The following KBTBD8 variants were observed in gnomAD, a reference collection of about 807,000 sequenced individuals.
KBTBD8 encodes kelch repeat and BTB domain containing 8, also known as kelch repeat and BTB domain-containing protein 8.
KBTBD8 carries 31 observed loss-of-function variants against 53.5 expected under a neutral mutation model. The observed-to-expected ratio is 0.58, with a 90% CI of 0.44 to 0.78. The LOEUF (loss-of-function observed/expected upper bound fraction) is 0.78. KBTBD8 is among the 30% of genes least tolerant of loss of function. KBTBD8 has a pLI of 0.00. For missense variants in KBTBD8, 642 were observed against 735.8 expected (o/e 0.87, Z 1.48); for synonymous variants, 250 against 247.3 (o/e 1.01, Z -0.10).
In KBTBD8 at chr3:67,002,309, G is replaced by A. The variant is rs552406388; in HGVS notation, c.228-886G>A. Among the ~76,000 whole-genome samples the A allele has an allele frequency of 3.3e-5, 5 of 152,114 alleles. No individual in the cohort carries two copies. In the East Asian group the frequency reaches 9.6e-4, roughly 29 times the overall value. On this transcript the variant is annotated intron_variant, in intron 2 of 3. Coordinates refer to ENST00000417314, the MANE Select transcript of KBTBD8 (RefSeq NM_032505.3). Reference sequence around the variant, plus strand: ...TATTATATTACTTATAATGGTTAAGGCAGCATTCAAAAGATGACAGTTTTA... The same window carrying A: ...TATTATATTACTTATAATGGTTAAGACAGCATTCAAAAGATGACAGTTTTA...
chr3:67,006,472 C>T (rs923890366), intron 3 of KBTBD8, among the ~76,000 whole-genome samples: 5 of 152,178 alleles, frequency 3.3e-5, no homozygotes, highest in Middle Eastern at 3.4e-3. Flanking sequence ...TTTGGTGTGT[C>T]GTCTTTACTT....
intron 2 of KBTBD8, among the ~76,000 whole-genome samples, chr3:67,001,730 A>G (rs1288039257): frequency 6.6e-6 from 1 of 152,212 alleles, no homozygotes; most frequent in Non-Finnish European, 1.5e-5. Context: ...ATTAAAATGT[A>G]CATTGTAGAA....
intron 3 of KBTBD8, 73 bp from the exon 4 acceptor site, chr3:67,007,849 T>C (rs1702081607): frequency 2.6e-6 from 2 of 771,146 alleles, no homozygotes; most frequent in Non-Finnish European, 4.1e-6. Flanking sequence ...CTTTAGAGGT[T>C]GTAGTTACAA....
chr3:67,007,813 A>T, intron 3 of KBTBD8, 109 bp from the exon 4 acceptor site: 1 of 603,892 alleles, frequency 1.7e-6, no homozygotes, highest in Non-Finnish European at 2.8e-6. Context: ...AGAAAGTGAA[A>T]TATATAGCAA....
chr3:66,998,921 T>C (rs1575578241), intron 1 of KBTBD8, 60 bp from the exon 2 acceptor site: 2 of 1,340,392 alleles, frequency 1.5e-6, no homozygotes, highest in East Asian at 5.0e-5. Flanking sequence ...AACAGAAAAA[T>C]CCCGCGATGC....
intron 2 of KBTBD8, among the ~76,000 whole-genome samples, chr3:67,002,014 G>A (rs559137191): frequency 3.9e-5 from 6 of 151,936 alleles, no homozygotes; most frequent in African/African-American, 7.3e-5. Context: ...TTAATGTTTC[G>A]GTCAAGAAAA....
Position 67,008,586 on chromosome 3 carries a change from G to A in KBTBD8, c.*201G>A, listed in dbSNP as rs1362549806. 4.1e-6 allele frequency: 2 copies of A among 493,266 alleles called. No individual in the cohort carries two copies. Among genetic ancestry groups the A allele is most frequent in the Admixed American group, 3.6e-5 (1 of 28,160 alleles). The allele number at this position is 493,266 out of a possible 1,614,324, so 30.6% of individuals were successfully genotyped here. ...TTCAGTAAGGAAAAGATAACAAAGT[G>A]CAATTATCAGCATTTTTTTTTCCTG... On this transcript the variant is annotated 3_prime_UTR_variant, in exon 4 of 4. Coordinates refer to ENST00000417314, the MANE Select transcript of KBTBD8 (RefSeq NM_032505.3).
Position 67,010,700 on chromosome 3 carries a change from G to T in KBTBD8, c.*2315G>T, listed in dbSNP as rs1310502805. ...AAAGTAAGATTAGTGACATGTGTGG[G>T]TTTATATTTAGATATTTAAGGTGCA... On this transcript the variant is annotated 3_prime_UTR_variant, in exon 4 of 4. Transcript: ENST00000417314. The T allele has an allele frequency of 6.6e-6, 1 of 152,548 alleles. No individual in the cohort carries two copies. Among genetic ancestry groups the T allele is most frequent in the African/African-American group, 2.4e-5 (1 of 41,418 alleles). The allele number at this position is 152,548 out of a possible 1,614,324, so 9.4% of individuals were successfully genotyped here. A position where few individuals can be genotyped will look rare whatever the true frequency, so the allele number is the denominator to read the frequency against.
intron 2 of KBTBD8, among the ~76,000 whole-genome samples, chr3:67,000,075 C>T (rs1702004139): frequency 6.6e-6 from 1 of 152,192 alleles, no homozygotes; most frequent in Non-Finnish European, 1.5e-5. Context: ...GTAAAGTTAT[C>T]AACCACACTC....
At chr3:66,998,752 G>T (rs763090760) in intron 1 of KBTBD8, among the ~76,000 whole-genome samples, 3 of 152,206 alleles carry the variant, frequency 2.0e-5, no homozygotes, top group Admixed American at 6.5e-5. Context: ...GGCTCGCCGG[G>T]CTCCGCAGGA....
intron 3 of KBTBD8, among the ~76,000 whole-genome samples, chr3:67,006,847 A>G (rs1702067717): frequency 6.6e-6 from 1 of 151,942 alleles, no homozygotes; most frequent in Non-Finnish European, 1.5e-5. Flanking sequence ...CTGTTCATAA[A>G]GTGTTCAGAT....
intron 2 of KBTBD8, among the ~76,000 whole-genome samples, chr3:67,001,846 A>T (rs1293783016): frequency 1.3e-5 from 2 of 152,202 alleles, no homozygotes; most frequent in Non-Finnish European, 2.9e-5. Flanking sequence ...AATTTGAGAG[A>T]TATTTTTTAA....
Position 67,003,717 on chromosome 3 carries a change from A to G in KBTBD8, c.750A>G (p.Ile250Met). 1 of 1,614,184 alleles carries G rather than the reference A, an allele frequency of 6.2e-7. No homozygotes were observed. The highest frequency in any genetic ancestry group is 1.1e-5 in the South Asian group (1 of 91,088). ...TTCCTCTGATGGAAGATACCTTTAT[A>G]GAGAAAATTCCACCTCAGTTTGCAC... is the stretch of plus-strand genomic sequence containing the variant. ...IRFPLMEDTFIEKIPPQFAQA... is the reference protein window; with the variant it reads ...IRFPLMEDTFMEKIPPQFAQA... Residue 250 changes from isoleucine (I) to methionine (M), a missense_variant, in exon 3 of 4, where the codon ATA (isoleucine) becomes ATG (methionine). Coordinates refer to ENST00000417314, the MANE Select transcript of KBTBD8 (RefSeq NM_032505.3).
chr3:66,998,927 G>A (rs1575578245), intron 1 of KBTBD8, 54 bp from the exon 2 acceptor site: 1 of 1,379,208 alleles, frequency 7.3e-7, no homozygotes, highest in East Asian at 2.5e-5. Flanking sequence ...AAAATCCCGC[G>A]ATGCCGTAAC....
rs1369373863 is a variant in KBTBD8 at position 66,999,157 on chromosome 3, A to G, written c.193A>G (p.Arg65Gly). 2.5e-6 allele frequency: 4 copies of G among 1,614,120 alleles called. No individual in the cohort carries two copies. Among genetic ancestry groups the G allele is most frequent in the Non-Finnish European group, 3.4e-6 (4 of 1,180,042 alleles). Residue 65 changes from arginine to glycine, a missense_variant, in exon 2 of 4, where the codon AGA (arginine) becomes GGA (glycine). Transcript: ENST00000417314. ...VDHGKTFSCH[R>G]NVLAAISPYF... The stretch of plus-strand genomic sequence containing the variant: ...TCACGGGAAAACATTTTCCTGTCAT[A>G]GAAACGTTCTTGCTGCAATCAGCCC...
intron 2 of KBTBD8, 58 bp downstream of exon 2, chr3:66,999,249 G>C: frequency 6.9e-6 from 9 of 1,305,284 alleles, no homozygotes; most frequent in Non-Finnish European, 1.0e-5. Context: ...TTCCCCCTCA[G>C]TATTGTCCAC....
rs906856786 is a variant in KBTBD8 at position 66,998,352 on chromosome 3, A to G, written c.-4A>G. 8 of 1,293,656 alleles carry G rather than the reference A, an allele frequency of 6.2e-6. No individual in the cohort carries two copies. Among genetic ancestry groups the G allele is most frequent in the Admixed American group, 4.1e-5 (1 of 24,246 alleles). The allele number at this position is 1,293,656 out of a possible 1,614,324, so 80.1% of individuals were successfully genotyped here. A position where few individuals can be genotyped will look rare whatever the true frequency, so the allele number is the denominator to read the frequency against. ...AATAGCTGGAGTCGGGGCCCCATCG[A>G]GAAATGGCCGCGTCGGCAGGTGGGT... On this transcript the variant is annotated 5_prime_UTR_variant, in exon 1 of 4. Transcript: ENST00000417314.
At chr3:67,005,018 G>GT (rs932061453) in intron 3 of KBTBD8, among the ~76,000 whole-genome samples, 1 of 152,032 alleles carries the variant, frequency 6.6e-6, no homozygotes, top group African/African-American at 2.4e-5. Context: ...TTTTCTGTTT[G>GT]TTTTTTTAAC....
At chr3:67,003,134 C>A in intron 2 of KBTBD8, 61 bp from the exon 3 acceptor site, 4 of 1,493,614 alleles carry the variant, frequency 2.7e-6, no homozygotes, top group Non-Finnish European at 3.7e-6. Context: ...CTTTTAAAAT[C>A]TTGCCACAAT....
Sources: gnomAD v4.1 joint callset for allele counts (sites outside exome capture counted in the v4.1 genomes callset) on GRCh38, gnomAD v4.1.1 for gene constraint, MANE v1.5 for transcripts, NCBI Gene and HGNC (gene_info 2026-07-23, HGNC 2026-07-21) for gene names.